ITGA3: variants seen among roughly 807,000 people sequenced by gnomAD.
ITGA3 encodes integrin alpha-3.
A neutral mutation model predicts 131.1 loss-of-function variants in ITGA3; 70 were observed. The observed-to-expected ratio is 0.53, with a 90% CI of 0.44 to 0.65. ITGA3 has a LOEUF of 0.65. ITGA3 is among the 30% of genes least tolerant of loss of function. The pLI is 0.00. For synonymous variants in ITGA3, 537 were observed against 571.6 expected (o/e 0.94, Z 0.86); for missense variants, 1,098 against 1,388.6 (o/e 0.79, Z 3.33).
chr17:50,075,707 G>T lies in ITGA3; in HGVS notation c.1646G>T (p.Arg549Leu), dbSNP rs557263701. The T allele has an allele frequency of 1.9e-5, 30 of 1,614,088 alleles. No individual in the cohort carries two copies. Among genetic ancestry groups the T allele is most frequent in the African/African-American group, 1.3e-4 (10 of 75,050 alleles). The change falls in exon 12 of 26, where the codon CGC (arginine) becomes CTC (leucine). Residue 549 changes from arginine to leucine, a missense_variant. Physicochemically the swap from Arg to Leu is moderately radical, Grantham distance 102. Around this residue, in one of 3 missense-constraint regions of ITGA3, gnomAD observed 699 missense variants for 829.2 expected, o/e 0.84. Transcript: ENST00000320031. ...GGCTTCTTCTCCATGCCCGAGATGC[G>T]CTGCCAGAAGCTGGAGCTGCTCCTG... ...FHGFFSMPEM[R>L]CQKLELLLMD...
rs1908915948 is a variant in ITGA3, at chr17:50,076,614, A to C, written c.1855A>C (p.Asn619His). 6.2e-7 allele frequency: 1 copy of C among 1,613,330 alleles called. No homozygotes were observed. The highest frequency in any genetic ancestry group is 8.5e-7 in the Non-Finnish European group (1 of 1,179,936). Residue 619 changes from asparagine to histidine, a missense_variant, in exon 14 of 26, where the codon AAC becomes CAC. This residue lies in a region of ITGA3 where 699 missense variants were observed against 829.2 expected (regional missense o/e 0.84). Transcript: ENST00000320031. ...VQFQKECGPD[N>H]KCESNLQMRA... is the part of the protein sequence containing the mutation. Reference sequence around the variant, plus strand: ...GTTCCAGAAGGAGTGCGGGCCTGACAACAAGTGTGAGAGCAACTTGCAGAT... The same window carrying C: ...GTTCCAGAAGGAGTGCGGGCCTGACCACAAGTGTGAGAGCAACTTGCAGAT...
rs143507160 is a variant in ITGA3 at position 50,077,971 on chromosome 17, A to G, written c.2140-75A>G. ...CAGAAAGCCAACTAGAATAGTGTGCATCCCCTCCTTCCCCATGACATCACC... is the reference window on the plus strand; with the variant it reads ...CAGAAAGCCAACTAGAATAGTGTGCGTCCCCTCCTTCCCCATGACATCACC... On this transcript the variant is annotated intron_variant, in intron 16 of 25. Transcript: ENST00000320031. The G allele has an allele frequency of 1.8e-5, 23 of 1,248,306 alleles. No homozygotes were observed. The African/African-American group carries it at 2.2e-4, about 12-fold the overall frequency. The allele number at this position is 1,248,306 out of a possible 1,614,324, so 77.3% of individuals were successfully genotyped here. A position where few individuals can be genotyped will look rare whatever the true frequency, so the allele number is the denominator to read the frequency against.
chr17:50,079,486 C>T lies in ITGA3; in HGVS notation c.2635C>T (p.Pro879Ser). Residue 879 changes from proline (P) to serine (S), a missense_variant, in exon 21 of 26, where the codon CCA (proline) becomes TCA (serine). This residue lies in a region of ITGA3 where 699 missense variants were observed against 829.2 expected (regional missense o/e 0.84). Coordinates refer to ENST00000320031, the MANE Select transcript of ITGA3 (RefSeq NM_002204.4). ...SPQRRRRQLD[P>S]GGGQGPPPVT... Reference sequence around the variant, plus strand: ...ACAGCGCAGGCGGCGACAGCTGGATCCAGGGGGAGGCCAGGGCCCCCCACC... The same window carrying T: ...ACAGCGCAGGCGGCGACAGCTGGATTCAGGGGGAGGCCAGGGCCCCCCACC... 6.3e-7 allele frequency: 1 copy of T among 1,581,212 alleles called. No individual in the cohort carries two copies. Among genetic ancestry groups the T allele is most frequent in the Non-Finnish European group, 8.6e-7 (1 of 1,163,854 alleles).
intron 1 of ITGA3, among the ~76,000 whole-genome samples, chr17:50,062,517 G>A (rs1440415029): frequency 6.6e-6 from 1 of 152,188 alleles, no homozygotes; most frequent in Non-Finnish European, 1.5e-5. Context: ...TCCCTGGCCA[G>A]GAAGCTTCAC....
At chr17:50,088,664 C>G (rs757589632) in intron 25 of ITGA3, among the ~76,000 whole-genome samples, 1 of 152,214 alleles carries the variant, frequency 6.6e-6, no homozygotes, top group Non-Finnish European at 1.5e-5. Flanking sequence ...GGCCCCATCT[C>G]TGTAAACCAC....
intron 13 of ITGA3, 25 bp from the exon 14 acceptor site, chr17:50,076,559 C>T (rs760924772): frequency 1.2e-6 from 2 of 1,610,558 alleles, no homozygotes; most frequent in Non-Finnish European, 1.7e-6. Flanking sequence ...GTGGTGCGGC[C>T]TTCACACCTC....
rs1312688230 is a variant in ITGA3, at chr17:50,090,302, C to A, written c.*1224C>A. The A allele has an allele frequency of 4.4e-6, 2 of 454,650 alleles. No individual in the cohort carries two copies. The highest frequency in any genetic ancestry group is 4.0e-5 in the African/African-American group (2 of 50,028). 28.2% of individuals were successfully genotyped at this position (454,650 alleles called of 1,614,324 possible). A position where few individuals can be genotyped will look rare whatever the true frequency, so the allele number is the denominator to read the frequency against. Reference sequence around the variant, plus strand: ...CTCCCCCATGGGCTGTGTCCTAAGGCCCATTTGAGAAGCTGAGGCTAGTTC... The same window carrying A: ...CTCCCCCATGGGCTGTGTCCTAAGGACCATTTGAGAAGCTGAGGCTAGTTC... On this transcript the variant is annotated 3_prime_UTR_variant, in exon 26 of 26. Transcript: ENST00000320031.
intron 1 of ITGA3, among the ~76,000 whole-genome samples, chr17:50,059,611 C>T (rs1366833754): frequency 6.6e-6 from 1 of 152,198 alleles, no homozygotes; most frequent in Admixed American, 6.5e-5. Flanking sequence ...TATCTTTTTC[C>T]TCTGGCTCTA....
Position 50,088,211 on chromosome 17 carries a change from C to A in ITGA3, c.3046-14C>A. On this transcript the variant is annotated splice_polypyrimidine_tract_variant and intron_variant, in intron 24 of 25. Transcript: ENST00000320031. ...CCCCCCTGATGGCCCGTCCCCACCT[C>A]CTCCCCTCCGCAGTGCGGCTTCTTC... 1 of 1,551,904 alleles carries A rather than the reference C, an allele frequency of 6.4e-7. No homozygotes were observed.
In ITGA3 at chr17:50,056,673, G is replaced by A; in HGVS notation, c.206+28G>A. The stretch of plus-strand genomic sequence containing the variant: ...AAGTGAAGCTGGAGGGTGTGGGGTG[G>A]GAGCGAGAGAGTGTGCGAGCGCGGG... On this transcript the variant is annotated intron_variant, in intron 1 of 25. Coordinates refer to ENST00000320031, the MANE Select transcript of ITGA3 (RefSeq NM_002204.4). This position sits in a 1 kb window ranked among gnomAD's most constrained non-coding sequence, Gnocchi z 5.6. The A allele has an allele frequency of 6.3e-7, 1 of 1,578,786 alleles. No homozygotes were observed. Among genetic ancestry groups the A allele is most frequent in the Non-Finnish European group, 8.6e-7 (1 of 1,161,672 alleles).
At chr17:50,069,334 G>A (rs1243538296) in intron 4 of ITGA3, among the ~76,000 whole-genome samples, 1 of 152,046 alleles carries the variant, frequency 6.6e-6, no homozygotes, top group Non-Finnish European at 1.5e-5. Flanking sequence ...ACATGCTCCT[G>A]GTACAACCAC....
At chr17:50,077,985 C>A in intron 16 of ITGA3, 61 bp from the exon 17 acceptor site, 1 of 1,398,966 alleles carries the variant, frequency 7.1e-7, no homozygotes, top group Non-Finnish European at 1.0e-6. Flanking sequence ...CCTCCTTCCC[C>A]ATGACATCAC....
At chr17:50,077,294 T>A (rs1908961442) in intron 15 of ITGA3, 85 bp from the exon 16 acceptor site, 2 of 1,379,034 alleles carry the variant, frequency 1.5e-6, no homozygotes, top group East Asian at 2.3e-5. Flanking sequence ...TCTCAAGCTC[T>A]AGGGCTTCTG....
In ITGA3 at chr17:50,089,291, TC is replaced by T; in HGVS notation, c.*218del. 1.4e-6 allele frequency: 2 copies of T among 1,470,816 alleles called. No homozygotes were observed. Among genetic ancestry groups the T allele is most frequent in the East Asian group, 2.4e-5 (1 of 42,080 alleles). The allele number at this position is 1,470,816 out of a possible 1,614,324, so 91.1% of individuals were successfully genotyped here. The stretch of plus-strand genomic sequence containing the variant: ...CGTCCTCCCTGATCCCACCCCCTCC[TC>T]CCCCAGTGTCCCCTTTCTTCCTATT... On this transcript the variant is annotated 3_prime_UTR_variant, in exon 26 of 26. Transcript: ENST00000320031.
chr17:50,080,165 T>G, intron 21 of ITGA3, 97 bp from the exon 22 acceptor site: 6 of 695,030 alleles, frequency 8.6e-6, no homozygotes, highest in Admixed American at 2.7e-5. Context: ...CACCCAGGGG[T>G]GAGACAAAGC....
At position 50,080,373 on chromosome 17, in the gene ITGA3, G is replaced by A. The variant is rs373799614; in HGVS notation, c.2818G>A (p.Glu940Lys). The change falls in exon 22 of 26, where the codon GAG becomes AAG. Residue 940 changes from glutamate to lysine, a missense_variant and splice_region_variant. By Grantham distance (56) the Glu-to-Lys change is moderately conservative. Transcript: ENST00000320031. ...KARVWNSTFI[E>K]DYRDFDRVRV... ...ACGAGTGTGGAACAGCACCTTCATCGAGGTCAGTGCCTGGGTCTGAAGGTC... is the reference window on the plus strand; with the variant it reads ...ACGAGTGTGGAACAGCACCTTCATCAAGGTCAGTGCCTGGGTCTGAAGGTC... The A allele has an allele frequency of 6.3e-6, 10 of 1,599,190 alleles. No homozygotes were observed. Among genetic ancestry groups the A allele is most frequent in the African/African-American group, 2.7e-5 (2 of 74,598 alleles).
At position 50,064,206 on chromosome 17, in the gene ITGA3, T is replaced by C. The variant is rs754310513; in HGVS notation, c.334+2T>C. 6.2e-7 allele frequency: 1 copy of C among 1,603,224 alleles called. No homozygotes were observed. Among genetic ancestry groups the C allele is most frequent in the Admixed American group, 1.7e-5 (1 of 58,860 alleles). On this transcript the variant is annotated splice_donor_variant, in intron 2 of 25. Coordinates refer to ENST00000320031, the MANE Select transcript of ITGA3 (RefSeq NM_002204.4). LOFTEE classifies it high-confidence loss of function. The surrounding 1 kb of genome is among the most constrained non-coding windows in gnomAD (Gnocchi z 4.4). ...AGCGGATGAACATCACAGTGAAAAG[T>C]GAGGGGAAGGGGCTGGGGAGGGGTG...
rs200810866 is a variant in ITGA3, at chr17:50,079,474, C to T, written c.2623C>T (p.Arg875Ter). ...GCCATCATCCCCACAGCGCAGGCGG[C>T]GACAGCTGGATCCAGGGGGAGGCCA... ...DRPSSPQRRR[R>*]QLDPGGGQGP... Residue 875 changes from arginine (R) to a stop codon, truncating the protein, a stop_gained, in exon 21 of 26, where the codon CGA becomes TGA. Transcript: ENST00000320031. LOFTEE classifies it high-confidence loss of function. 23 of 1,575,748 alleles carry T rather than the reference C, an allele frequency of 1.5e-5. No homozygotes were observed. Among genetic ancestry groups the T allele is most frequent in the African/African-American group, 5.5e-5 (4 of 73,380 alleles).
chr17:50,087,819 G>T lies in ITGA3; in HGVS notation c.2995G>T (p.Val999Leu), dbSNP rs771635263. Residue 999 changes from valine (V) to leucine (L), a missense_variant, in exon 24 of 26, where the codon GTG becomes TTG. This residue lies in a region of ITGA3 where 699 missense variants were observed against 829.2 expected (regional missense o/e 0.84). Transcript: ENST00000320031. ...CGAGCTGTGGCTGGTGCTGGTGGCC[G>T]TGGGTGCAGGGCTGCTGCTGCTGGG... is the stretch of plus-strand genomic sequence containing the variant. Reference protein sequence around the residue: ...EIELWLVLVAVGAGLLLLGLI... With the variant: ...EIELWLVLVALGAGLLLLGLI... The T allele has an allele frequency of 6.2e-7, 1 of 1,611,438 alleles. No homozygotes were observed.
Sources: gnomAD v4.1 joint callset for allele counts (sites outside exome capture counted in the v4.1 genomes callset) on GRCh38, gnomAD v4.1.1 for gene constraint, gnomAD v4.1.1 regional missense constraint, Gnocchi (gnomAD v3.1) non-coding constraint, MANE v1.5 for transcripts, NCBI Gene and HGNC (gene_info 2026-07-23, HGNC 2026-07-21) for gene names.